The following LY86 variants were observed in gnomAD, a reference collection of about 807,000 sequenced individuals.
LY86 encodes lymphocyte antigen 86, also known as MD-1, RP105-associated.
In LY86, 20 loss-of-function variants were observed where a neutral mutation model predicts 17.3. The observed-to-expected ratio is 1.15, with a 90% CI of 0.81 to 1.68. The LOEUF is 1.68. LY86 is among the 40% of genes most tolerant of loss of function. The probability of loss-of-function intolerance (pLI) is 0.00; values close to 1 mark genes in which losing one functional copy is unlikely to be tolerated. For synonymous variants in LY86, 74 were observed against 70.6 expected (o/e 1.05, Z -0.24); for missense variants, 200 against 191.9 (o/e 1.04, Z -0.25).
intron 1 of LY86, among the ~76,000 whole-genome samples, chr6:6,606,477 C>T (rs977907403): frequency 2.6e-5 from 4 of 152,238 alleles, no homozygotes; most frequent in African/African-American, 7.2e-5. Context: ...ACCCGCACTC[C>T]TCAGCCCTTG....
intron 3 of LY86, among the ~76,000 whole-genome samples, chr6:6,643,279 C>T (rs541216010): frequency 6.6e-6 from 1 of 152,262 alleles, no homozygotes; most frequent in African/African-American, 2.4e-5. Context: ...ACAACAGCGA[C>T]AGATGAATGG....
intron 1 of LY86, among the ~76,000 whole-genome samples, chr6:6,598,155 A>C (rs1760777410): frequency 6.6e-6 from 1 of 152,258 alleles, no homozygotes; most frequent in Non-Finnish European, 1.5e-5. Flanking sequence ...TAAATTTAAC[A>C]AATTAATTTT....
intron 1 of LY86, among the ~76,000 whole-genome samples, chr6:6,603,633 AC>A (rs1445380965): frequency 2.7e-5 from 3 of 109,584 alleles, no homozygotes; most frequent in African/African-American, 1.0e-4. Context: ...AAAAAACAAA[AC>A]ACACACACAC....
intron 1 of LY86, among the ~76,000 whole-genome samples, chr6:6,606,701 C>T (rs1243297651): frequency 1.3e-5 from 2 of 152,320 alleles, no homozygotes; most frequent in East Asian, 1.9e-4. Flanking sequence ...CCGGGGCTTG[C>T]GGGCGGACCT....
chr6:6,618,846 A>G (rs1761613175), intron 1 of LY86, among the ~76,000 whole-genome samples: 1 of 152,246 alleles, frequency 6.6e-6, no homozygotes, highest in Non-Finnish European at 1.5e-5. Context: ...ACAGGTAGAA[A>G]AAAGAAGAGA....
chr6:6,605,046 G>C, intron 1 of LY86, among the ~76,000 whole-genome samples: 1 of 131,298 alleles, frequency 7.6e-6, no homozygotes, highest in East Asian at 2.3e-4. Flanking sequence ...AAAAAATCTA[G>C]AGTGTTTGCC....
intron 4 of LY86, 31 bp from the exon 5 acceptor site, chr6:6,654,513 A>T (rs757556580): frequency 2.6e-6 from 4 of 1,521,914 alleles, no homozygotes; most frequent in Non-Finnish European, 3.6e-6. Context: ...TGTGGGTCAC[A>T]CGTCTAATAC....
At chr6:6,609,724 G>A (rs1036815781) in intron 1 of LY86, among the ~76,000 whole-genome samples, 1 of 152,026 alleles carries the variant, frequency 6.6e-6, no homozygotes, top group East Asian at 1.9e-4. Context: ...AGGCAGCCAC[G>A]GACAATTCAT....
chr6:6,603,084 A>C (rs1760964093), intron 1 of LY86, among the ~76,000 whole-genome samples: 1 of 151,332 alleles, frequency 6.6e-6, no homozygotes, highest in Non-Finnish European at 1.5e-5. Context: ...GGTCCTCCCG[A>C]CTCTGTCCTT....
chr6:6,609,846 T>TAA (rs200228695), intron 1 of LY86, among the ~76,000 whole-genome samples: 1 of 150,834 alleles, frequency 6.6e-6, no homozygotes, highest in East Asian at 1.9e-4. Flanking sequence ...CCATTAAAAT[T>TAA]TAAAAAAAAA....
At chr6:6,598,989 G>A (rs1453655432) in intron 1 of LY86, among the ~76,000 whole-genome samples, 19 of 152,132 alleles carry the variant, frequency 1.2e-4, no homozygotes. Context: ...TTGTATATGG[G>A]ACCACTTGAG....
At chr6:6,613,935 C>A (rs1281890748) in intron 1 of LY86, among the ~76,000 whole-genome samples, 1 of 152,216 alleles carries the variant, frequency 6.6e-6, no homozygotes, top group East Asian at 1.9e-4. Flanking sequence ...ATTCAGAAAT[C>A]GTGAAGGGAC....
At chr6:6,618,889 C>T (rs1476017720) in intron 1 of LY86, among the ~76,000 whole-genome samples, 1 of 152,154 alleles carries the variant, frequency 6.6e-6, no homozygotes, top group African/African-American at 2.4e-5. Flanking sequence ...AGCTAGAATA[C>T]ATTTACCACA....
intron 1 of LY86, among the ~76,000 whole-genome samples, chr6:6,600,576 T>G (rs1267692926): frequency 2.0e-5 from 2 of 101,666 alleles, no homozygotes; most frequent in Admixed American, 1.5e-4. Flanking sequence ...AGAGACAGAG[T>G]GAGACTCCAT....
intron 1 of LY86, among the ~76,000 whole-genome samples, chr6:6,599,159 T>A (rs1760819461): frequency 6.6e-6 from 1 of 152,248 alleles, no homozygotes; most frequent in South Asian, 2.1e-4. Flanking sequence ...TAACTAAGAA[T>A]GAGGCTCCGT....
intron 1 of LY86, among the ~76,000 whole-genome samples, chr6:6,613,235 G>C (rs1164070502): frequency 1.3e-5 from 2 of 152,282 alleles, no homozygotes; most frequent in East Asian, 3.8e-4. Context: ...CGGCACTAGG[G>C]CCGCAGGTGG....
At chr6:6,652,590 G>A (rs79917674) in intron 4 of LY86, among the ~76,000 whole-genome samples, 8 of 152,276 alleles carry the variant, frequency 5.3e-5, no homozygotes, top group Admixed American at 2.0e-4. Context: ...TTGGGCTCCC[G>A]AAGCATGTGG....
At chr6:6,605,503 C>T (rs1252975487) in intron 1 of LY86, among the ~76,000 whole-genome samples, 1 of 152,254 alleles carries the variant, frequency 6.6e-6, no homozygotes, top group Non-Finnish European at 1.5e-5. Context: ...AGATCAGTGC[C>T]TTGCCATGGG....
Position 6,654,555 on chromosome 6 carries a change from G to A in LY86, c.417G>A (p.Gln139=). Residue 139 remains glutamine, a synonymous_variant, in exon 5 of 5, where the codon CAG becomes CAA. Coordinates refer to ENST00000230568, the MANE Select transcript of LY86 (RefSeq NM_004271.4). ...TGTGCCCCTTGCAGGGAGAATACCA[G>A]GTTTTGCTGGAACTGTACACTGAAA... is the stretch of plus-strand genomic sequence containing the variant. ...PEFTIPQGEY[Q]VLLELYTEKR... is the part of the protein sequence containing the mutation. The A allele has an allele frequency of 6.2e-7, 1 of 1,614,088 alleles. No homozygotes were observed. The highest frequency in any genetic ancestry group is 8.5e-7 in the Non-Finnish European group (1 of 1,179,912).
Sources: allele counts gnomAD v4.1 joint callset (sites outside exome capture counted in the v4.1 genomes callset), GRCh38; gene constraint gnomAD v4.1.1; transcripts MANE v1.5; gene names NCBI Gene and HGNC (gene_info 2026-07-23, HGNC 2026-07-21).